HS3ST5: variants seen among roughly 807,000 people sequenced by gnomAD.
HS3ST5 encodes the protein heparan sulfate-glucosamine 3-sulfotransferase 5.
Under a neutral mutation model 25.4 loss-of-function variants are expected in HS3ST5, and 10 were observed. The ratio of observed to expected loss-of-function variants is 0.39; its 90% CI spans 0.24 to 0.67. The LOEUF (loss-of-function observed/expected upper bound fraction) is 0.67, where lower values mean the gene tolerates loss of function less well. Ranked by LOEUF, HS3ST5 falls within the 30% of genes least tolerant of loss-of-function variation. The probability of loss-of-function intolerance (pLI) is 0.44; values close to 1 mark genes in which losing one functional copy is unlikely to be tolerated. For missense variants in HS3ST5, 324 were observed against 420.7 expected (o/e 0.77, Z 2.01); for synonymous variants, 170 against 162.4 (o/e 1.05, Z -0.36).
At chr6:114,323,856 G>GT (rs1776067208) in intron 1 of HS3ST5, among the ~76,000 whole-genome samples, 1 of 152,136 alleles carries the variant, frequency 6.6e-6, no homozygotes. Context: ...TTCTCAAAAG[G>GT]CAAACACAGT....
intron 1 of HS3ST5, among the ~76,000 whole-genome samples, chr6:114,274,537 GAGTAA>G (rs774444046): frequency 1.1e-4 from 17 of 152,120 alleles, no homozygotes; most frequent in Non-Finnish European, 1.8e-4. Context: ...AAGCTGGTAG[GAGTAA>G]AGTAAAGATA....
rs543111091 is a variant in HS3ST5, at chr6:114,081,524, A to G, written c.-32-18647T>C. 3.3e-5 allele frequency among the ~76,000 whole-genome samples: 5 copies of G among 152,280 alleles called. No homozygotes were observed. In the East Asian group the frequency reaches 9.7e-4, roughly 29 times the overall value. On this transcript the variant is annotated intron_variant, in intron 3 of 4. Coordinates refer to ENST00000312719, the MANE Select transcript of HS3ST5 (RefSeq NM_153612.4). ...GAAACTTACAGTTGTTAATAGTCTT[A>G]CTCTCTCTGGATGGAGCAACGGTTC...
chr6:114,289,961 C>A (rs746428768), intron 1 of HS3ST5, among the ~76,000 whole-genome samples: 1 of 151,998 alleles, frequency 6.6e-6, no homozygotes, highest in Non-Finnish European at 1.5e-5. Flanking sequence ...TGATAGATTT[C>A]TTTTATAATA....
intron 3 of HS3ST5, among the ~76,000 whole-genome samples, chr6:114,147,692 T>G (rs1778236181): frequency 6.6e-6 from 1 of 152,156 alleles, no homozygotes; most frequent in Non-Finnish European, 1.5e-5. Context: ...GTGATCCTCC[T>G]GCCTCAGCCT....
intron 2 of HS3ST5, among the ~76,000 whole-genome samples, chr6:114,224,957 G>T (rs1210872121): frequency 6.6e-6 from 1 of 151,556 alleles, no homozygotes; most frequent in African/African-American, 2.4e-5. Flanking sequence ...AGTTGCTAAT[G>T]GTTGTTTCAA....
At chr6:114,294,990 T>C (rs571232258) in intron 1 of HS3ST5, among the ~76,000 whole-genome samples, 12 of 152,310 alleles carry the variant, frequency 7.9e-5, no homozygotes, top group African/African-American at 2.6e-4. Context: ...TATTATTACA[T>C]AAGGTAATTA....
intron 3 of HS3ST5, among the ~76,000 whole-genome samples, chr6:114,152,662 T>C (rs1206615882): frequency 6.6e-6 from 1 of 152,118 alleles, no homozygotes; most frequent in African/African-American, 2.4e-5. Flanking sequence ...TGCTGAGAGT[T>C]TGTCAAGTTA....
intron 1 of HS3ST5, among the ~76,000 whole-genome samples, chr6:114,314,255 C>G (rs1328020169): frequency 6.6e-6 from 1 of 152,146 alleles, no homozygotes; most frequent in East Asian, 1.9e-4. Flanking sequence ...TTCAATAGGT[C>G]TGGAGTGATG....
intron 2 of HS3ST5, among the ~76,000 whole-genome samples, chr6:114,200,775 A>G (rs1377898281): frequency 6.6e-6 from 1 of 152,194 alleles, no homozygotes; most frequent in Non-Finnish European, 1.5e-5. Context: ...GAATTAAGAA[A>G]ATTTGACTGA....
chr6:114,140,971 G>A (rs1023649851), intron 3 of HS3ST5, among the ~76,000 whole-genome samples: 13 of 152,150 alleles, frequency 8.5e-5, no homozygotes, highest in African/African-American at 3.1e-4. Flanking sequence ...GATAGAGTGA[G>A]AAACAATGCC....
At chr6:114,199,315 T>C (rs1347322364) in intron 2 of HS3ST5, among the ~76,000 whole-genome samples, 1 of 152,142 alleles carries the variant, frequency 6.6e-6, no homozygotes, top group East Asian at 1.9e-4. Context: ...TGGAACAAAA[T>C]AAATACTCTG....
intron 2 of HS3ST5, among the ~76,000 whole-genome samples, chr6:114,190,154 T>C (rs1313787681): frequency 1.3e-5 from 2 of 152,220 alleles, no homozygotes; most frequent in Non-Finnish European, 2.9e-5. Context: ...TGTTTTTCTC[T>C]AGTCATGGAA....
At chr6:114,269,687 T>C (rs1582774919) in intron 1 of HS3ST5, among the ~76,000 whole-genome samples, 1 of 152,184 alleles carries the variant, frequency 6.6e-6, no homozygotes, top group African/African-American at 2.4e-5. Flanking sequence ...AAGAGTCCAT[T>C]TGGCTATGTG....
At chr6:114,231,033 G>C (rs1771564980) in intron 1 of HS3ST5, among the ~76,000 whole-genome samples, 1 of 152,078 alleles carries the variant, frequency 6.6e-6, no homozygotes, top group Non-Finnish European at 1.5e-5. Flanking sequence ...AATCCCCAAT[G>C]TTGGAGGTGG....
intron 1 of HS3ST5, among the ~76,000 whole-genome samples, chr6:114,313,468 T>G (rs1281663935): frequency 6.6e-6 from 1 of 152,114 alleles, no homozygotes; most frequent in Non-Finnish European, 1.5e-5. Context: ...GGATAAAGAG[T>G]TGTGGTATGT....
At chr6:114,277,881 G>A (rs1773931696) in intron 1 of HS3ST5, among the ~76,000 whole-genome samples, 1 of 151,900 alleles carries the variant, frequency 6.6e-6, no homozygotes, top group Admixed American at 6.6e-5. Context: ...AATTACAAAG[G>A]AACAAAAAGA....
intron 2 of HS3ST5, among the ~76,000 whole-genome samples, chr6:114,196,312 G>T (rs1780752256): frequency 6.6e-6 from 1 of 152,156 alleles, no homozygotes; most frequent in African/African-American, 2.4e-5. Flanking sequence ...ATATTCTGTA[G>T]CTTTGCCAGT....
rs559298132 is a variant in HS3ST5 at position 114,281,767 on chromosome 6, G to A, written c.-338-52989C>T. 6 of 152,086 alleles carry A rather than the reference G, an allele frequency of 3.9e-5. No individual in the cohort carries two copies. In the East Asian group the frequency reaches 1.2e-3, roughly 30 times the overall value. The allele number at this position is 152,086 out of a possible 1,614,324, so 9.4% of individuals were successfully genotyped here. A position where few individuals can be genotyped will look rare whatever the true frequency, so the allele number is the denominator to read the frequency against. ...TTTCTCAGTCTGGCAAGGGCCCCAG[G>A]AACACACTGCATTGTTTATTTCAGA... On this transcript the variant is annotated intron_variant, in intron 1 of 4. Transcript: ENST00000312719.
chr6:114,077,098 A>G (rs1010752902), intron 3 of HS3ST5, among the ~76,000 whole-genome samples: 11 of 152,324 alleles, frequency 7.2e-5, no homozygotes, highest in Admixed American at 4.6e-4. Flanking sequence ...TCCTCCATTC[A>G]GCTTTCCATA....
Sources: allele counts gnomAD v4.1 joint callset (sites outside exome capture counted in the v4.1 genomes callset), GRCh38; gene constraint gnomAD v4.1.1; transcripts MANE v1.5; gene names NCBI Gene and HGNC (gene_info 2026-07-23, HGNC 2026-07-21).